Variants in PDE11A observed in about 807,000 individuals in gnomAD.
The protein encoded by PDE11A is phosphodiesterase 11A, also known as dual 3',5'-cyclic-AMP and -GMP phosphodiesterase 11A.
Under a neutral mutation model 100.5 loss-of-function variants are expected in PDE11A, and 100 were observed. The ratio of observed to expected loss-of-function variants is 1.00; its 90% CI spans 0.85 to 1.18. The LOEUF is 1.18. PDE11A is among the 50% of genes most tolerant of loss of function. The pLI is 0.00. For missense variants in PDE11A, 1,141 were observed against 1,152.6 expected (o/e 0.99, Z 0.15); for synonymous variants, 381 against 420.8 (o/e 0.91, Z 1.16).
At chr2:177,913,100 A>G (rs1227154357) in intron 2 of PDE11A, among the ~76,000 whole-genome samples, 1 of 152,238 alleles carries the variant, frequency 6.6e-6, no homozygotes, top group Non-Finnish European at 1.5e-5. Flanking sequence ...TGTGAATTTT[A>G]TGATATATAA....
At chr2:178,107,721 CTTTT>C (rs1159976078) in intron 1 of PDE11A, among the ~76,000 whole-genome samples, 1 of 123,048 alleles carries the variant, frequency 8.1e-6, no homozygotes. Flanking sequence ...CTTTTTTTTT[CTTTT>C]TTTTTTTTTT....
At chr2:177,817,815 G>T in intron 8 of PDE11A, 43 bp downstream of exon 8, 2 of 833,832 alleles carry the variant, frequency 2.4e-6, no homozygotes, top group South Asian at 1.3e-5. Context: ...GCAACCAGGG[G>T]ACTATTGATG....
At chr2:177,868,020 C>G (rs77441710) in intron 5 of PDE11A, among the ~76,000 whole-genome samples, 1,725 of 152,198 alleles carry the variant, frequency 0.011, 26 homozygotes, top group East Asian at 0.075. Flanking sequence ...GGATTTGGGC[C>G]ATGGTGGCTG....
At chr2:177,778,419 G>A (rs2082407947) in intron 9 of PDE11A, among the ~76,000 whole-genome samples, 1 of 152,178 alleles carries the variant, frequency 6.6e-6, no homozygotes, top group Non-Finnish European at 1.5e-5. Context: ...GCACTTAAGA[G>A]CGAGGAGGAA....
intron 5 of PDE11A, among the ~76,000 whole-genome samples, chr2:177,846,088 G>T (rs904048898): frequency 1.3e-5 from 2 of 151,980 alleles, no homozygotes; most frequent in Admixed American, 1.3e-4. Flanking sequence ...ATTCCTAATG[G>T]TCTACTATAA....
In PDE11A at chr2:177,623,750, ATT is replaced by A. The variant is rs1412321431; in HGVS notation, c.*5655_*5656del. ...ACTTCATTACTTAATAAAAAAACACATTTGTGTACTAGCGTATACAAAAATGA... is the reference window on the plus strand; with the variant it reads ...ACTTCATTACTTAATAAAAAAACACATGTGTACTAGCGTATACAAAAATGA... On this transcript the variant is annotated 3_prime_UTR_variant, in exon 20 of 20. Transcript: ENST00000286063. 1 of 119,226 alleles carries A rather than the reference ATT, an allele frequency of 8.4e-6. No homozygotes were observed. The highest frequency in any genetic ancestry group is 1.7e-5 in the Non-Finnish European group (1 of 57,558). 7.4% of individuals were successfully genotyped at this position (119,226 alleles called of 1,614,324 possible).
At position 177,627,562 on chromosome 2, in the gene PDE11A, A is replaced by G. The variant is rs1458773425; in HGVS notation, c.*1845T>C. On this transcript the variant is annotated 3_prime_UTR_variant, in exon 20 of 20. Coordinates refer to ENST00000286063, the MANE Select transcript of PDE11A (RefSeq NM_016953.4). ...TTGATAATGATTAATAACAATAACA[A>G]GGGCCGGGTACGGTGGCTCACGCCT... 1 of 151,820 alleles carries G rather than the reference A, an allele frequency of 6.6e-6. No individual in the cohort carries two copies. The highest frequency in any genetic ancestry group is 1.5e-5 in the Non-Finnish European group (1 of 67,940). 9.4% of individuals were successfully genotyped at this position (151,820 alleles called of 1,614,324 possible).
chr2:178,009,581 G>A (rs956797643), intron 2 of PDE11A, among the ~76,000 whole-genome samples: 4 of 152,106 alleles, frequency 2.6e-5, no homozygotes, highest in African/African-American at 9.7e-5. Flanking sequence ...CTATCTGTCA[G>A]GTAAAATTTC....
Position 177,764,385 on chromosome 2 carries a change from T to C in PDE11A, c.1788+4938A>G, listed in dbSNP as rs534376989. On this transcript the variant is annotated intron_variant, in intron 10 of 19. Transcript: ENST00000286063. ...CAGCCGTAACCCATGCAGTGCTCAA[T>C]TGAAGGAAGGGATGATACAAGGTGG... Among the ~76,000 whole-genome samples the C allele has an allele frequency of 1.4e-4, 22 of 152,224 alleles. No homozygotes were observed. The East Asian group carries it at 1.5e-3, about 11-fold the overall frequency.
rs1348803636 is a variant in PDE11A at position 177,711,821 on chromosome 2, A to G, written c.2101T>C (p.Cys701Arg). 36 of 1,612,794 alleles carry G rather than the reference A, an allele frequency of 2.2e-5. No homozygotes were observed. The highest frequency in any genetic ancestry group is 2.8e-5 in the Non-Finnish European group (33 of 1,178,914). Residue 701 changes from cysteine (C) to arginine (R), a missense_variant, in exon 13 of 20, where the codon TGC becomes CGC. Coordinates refer to ENST00000286063, the MANE Select transcript of PDE11A (RefSeq NM_016953.4). ...EVEILAVIVG[C>R]LCHDLDHRGT... ...CTGTGGTCGAGGTCATGACACAGGC[A>G]TCCCACAATCACCGCTAAAATTTCC...
chr2:178,094,708 A>G (rs1229377468), intron 2 of PDE11A, among the ~76,000 whole-genome samples: 1 of 152,150 alleles, frequency 6.6e-6, no homozygotes, highest in East Asian at 1.9e-4. Flanking sequence ...AATACCCAAG[A>G]CTGGGTAATT....
chr2:177,652,503 T>C (rs2080325787), intron 19 of PDE11A, among the ~76,000 whole-genome samples: 2 of 152,032 alleles, frequency 1.3e-5, no homozygotes, highest in South Asian at 4.1e-4. Context: ...AACTAAGATT[T>C]TTTTCCTGTA....
intron 9 of PDE11A, among the ~76,000 whole-genome samples, chr2:177,807,844 T>C (rs142601954): frequency 1.3e-4 from 20 of 152,382 alleles, no homozygotes; most frequent in African/African-American, 4.6e-4. Flanking sequence ...TCTACACGAT[T>C]ACTACTGTTT....
At chr2:177,732,526 T>TC (rs1425350454) in intron 10 of PDE11A, among the ~76,000 whole-genome samples, 1 of 152,208 alleles carries the variant, frequency 6.6e-6, no homozygotes, top group Non-Finnish European at 1.5e-5. Flanking sequence ...GAGGCAGCAC[T>TC]ACTCCACTCC....
At chr2:177,758,104 G>A (rs1013541924) in intron 10 of PDE11A, among the ~76,000 whole-genome samples, 5 of 151,036 alleles carry the variant, frequency 3.3e-5, no homozygotes, top group Non-Finnish European at 7.4e-5. Flanking sequence ...AGACCATCCT[G>A]GCTAACACGG....
At chr2:177,893,815 G>T (rs2084568810) in intron 4 of PDE11A, among the ~76,000 whole-genome samples, 1 of 151,942 alleles carries the variant, frequency 6.6e-6, no homozygotes, top group African/African-American at 2.4e-5. Context: ...ATATGGAAAA[G>T]GTATAATTGT....
In PDE11A at chr2:177,840,277, A is replaced by G. The variant is rs1436338887; in HGVS notation, c.1474T>C (p.Tyr492His). The change falls in exon 6 of 20, where the codon TAC (tyrosine) becomes CAC (histidine). Residue 492 changes from tyrosine (Y) to histidine (H), a missense_variant. Tyr to His is a moderately conservative substitution (Grantham distance 83). Coordinates refer to ENST00000286063, the MANE Select transcript of PDE11A (RefSeq NM_016953.4). ...TCTGCATCAAAGCGCGGATCCTGGT[A>G]GGCATCACTGATGTTCACTGGAAGG... ...TGLPVNISDAYQDPRFDAEAD... is the reference protein window; with the variant it reads ...TGLPVNISDAHQDPRFDAEAD... 1 of 1,614,168 alleles carries G rather than the reference A, an allele frequency of 6.2e-7. No homozygotes were observed. The highest frequency in any genetic ancestry group is 1.1e-5 in the South Asian group (1 of 91,080).
At chr2:177,681,958 A>G (rs1456017513) in intron 15 of PDE11A, among the ~76,000 whole-genome samples, 3 of 152,252 alleles carry the variant, frequency 2.0e-5, no homozygotes, top group South Asian at 4.1e-4. Flanking sequence ...GAGAAAATCT[A>G]CATTCTGTAG....
intron 1 of PDE11A, among the ~76,000 whole-genome samples, chr2:178,054,580 A>C (rs548728903): frequency 6.6e-6 from 1 of 152,326 alleles, no homozygotes; most frequent in South Asian, 2.1e-4. Context: ...AATGGGAGAA[A>C]ATTTTTACAA....
Sources: gnomAD v4.1 joint callset for allele counts (sites outside exome capture counted in the v4.1 genomes callset) on GRCh38, gnomAD v4.1.1 for gene constraint, MANE v1.5 for transcripts, NCBI Gene and HGNC (gene_info 2026-07-23, HGNC 2026-07-21) for gene names.